The following RTBDN variants were observed in gnomAD, a reference collection of about 807,000 sequenced individuals.
RTBDN encodes the protein retbindin.
Under a neutral mutation model 21.9 loss-of-function variants are expected in RTBDN, and 24 were observed. The ratio of observed to expected loss-of-function variants is 1.10; its 90% CI spans 0.79 to 1.54. RTBDN has a LOEUF of 1.54. Among genes scored for constraint, RTBDN ranks in the 40% most tolerant of loss-of-function variants. The probability of loss-of-function intolerance (pLI) is 0.00; values close to 1 mark genes in which losing one functional copy is unlikely to be tolerated. For missense variants in RTBDN, 325 were observed against 315.2 expected, an observed-to-expected ratio of 1.03 and a Z score of -0.23; for synonymous variants, 141 against 125.9, an observed-to-expected ratio of 1.12 and a Z score of -0.80.
chr19:12,834,733 G>T, upstream of RTBDN: 2 of 1,589,566 alleles, frequency 1.3e-6, no homozygotes, highest in Non-Finnish European at 1.7e-6. This position sits in a 1 kb window ranked among gnomAD's most constrained non-coding sequence, Gnocchi z 4.7. Context: ...ACTGAGGATC[G>T]CTGTGGAGTG....
At position 12,828,700 on chromosome 19, in the gene RTBDN, C is replaced by T. The variant is rs774122446; in HGVS notation, c.322G>A (p.Val108Ile). ...RSRFRLRLLG[V>I]RQAQPLCEEL... ...TCGCAGAGCGGCTGTGCCTGGCGTA[C>T]CCCCAATAGCCGCAGGCGGAAGCGA... Residue 108 changes from valine (V) to isoleucine (I), a missense_variant, in exon 4 of 6, where the codon GTA (valine) becomes ATA (isoleucine). Val to Ile is a conservative substitution (Grantham distance 29). Coordinates refer to ENST00000674343, the MANE Select transcript of RTBDN (RefSeq NM_001270441.2). 1 of 1,614,208 alleles carries T rather than the reference C, an allele frequency of 6.2e-7. No individual in the cohort carries two copies. The highest frequency in any genetic ancestry group is 8.5e-7 in the Non-Finnish European group (1 of 1,180,034).
chr19:12,834,750 A>G (rs754264483), upstream of RTBDN: 3 of 1,607,564 alleles, frequency 1.9e-6, no homozygotes, highest in South Asian at 2.2e-5. The surrounding 1 kb of genome is among the most constrained non-coding windows in gnomAD (Gnocchi z 4.7). Context: ...AGTGTGGGGA[A>G]GGCGGGGACA....
Position 12,831,353 on chromosome 19 carries a change from A to T in RTBDN, c.-18-1356T>A, listed in dbSNP as rs531868989. ...CCTTTAACTCATCCATTCATTCAAC[A>T]AACATTTATTGAGCACCTACTGTGT... is the stretch of plus-strand genomic sequence containing the variant. On this transcript the variant is annotated intron_variant, in intron 1 of 5. Transcript: ENST00000674343. 1.8e-4 allele frequency among the ~76,000 whole-genome samples: 28 copies of T among 152,320 alleles called. No homozygotes were observed. The South Asian group carries it at 3.9e-3, about 21-fold the overall frequency.
chr19:12,830,024 C>T lies in RTBDN; in HGVS notation c.-18-27G>A, dbSNP rs758561959. 13 of 1,587,852 alleles carry T rather than the reference C, an allele frequency of 8.2e-6. No homozygotes were observed. The East Asian group carries it at 2.9e-4, about 36-fold the overall frequency. On this transcript the variant is annotated intron_variant, in intron 1 of 5. Coordinates refer to ENST00000674343, the MANE Select transcript of RTBDN (RefSeq NM_001270441.2). The surrounding 1 kb of genome is among the most constrained non-coding windows in gnomAD (Gnocchi z 4.2). Reference sequence around the variant, plus strand: ...TGGCAGGCATAGGGTGGGGTTCAGCCATCCCTTTCTGTGAGCTTAGGGTGG... The same window carrying T: ...TGGCAGGCATAGGGTGGGGTTCAGCTATCCCTTTCTGTGAGCTTAGGGTGG...
intron 4 of RTBDN, 69 bp downstream of exon 4, chr19:12,828,588 C>A: frequency 8.0e-7 from 1 of 1,248,156 alleles, no homozygotes; most frequent in Middle Eastern, 2.7e-4. Context: ...GAAGGCCAAG[C>A]AAACTGCAGG....
chr19:12,826,209 C>T, intron 5 of RTBDN: 1 of 1,323,984 alleles, frequency 7.6e-7, no homozygotes, highest in East Asian at 3.3e-5. Context: ...AGTGACTGGG[C>T]TTCTGGGTCC....
Position 12,825,632 on chromosome 19 carries a change from G to C in RTBDN, c.*74C>G, listed in dbSNP as rs1287251532. The C allele has an allele frequency of 6.7e-7, 1 of 1,500,230 alleles. No homozygotes were observed. Among genetic ancestry groups the C allele is most frequent in the Non-Finnish European group, 8.9e-7 (1 of 1,123,300 alleles). The allele number at this position is 1,500,230 out of a possible 1,614,324, so 92.9% of individuals were successfully genotyped here. Reference sequence around the variant, plus strand: ...TATTACAGAAGGCCGAGAGGACGAGGGGTGGGGTTCTGGGTGTCCTGAGGG... The same window carrying C: ...TATTACAGAAGGCCGAGAGGACGAGCGGTGGGGTTCTGGGTGTCCTGAGGG... On this transcript the variant is annotated 3_prime_UTR_variant, in exon 6 of 6. Coordinates refer to ENST00000674343, the MANE Select transcript of RTBDN (RefSeq NM_001270441.2).
chr19:12,827,962 G>A (rs1052693218), intron 4 of RTBDN, among the ~76,000 whole-genome samples: 11 of 151,724 alleles, frequency 7.3e-5, no homozygotes, highest in African/African-American at 2.4e-4. Context: ...GCGTGGTGGC[G>A]GAAGCATGTA....
chr19:12,834,095 G>A lies in RTBDN; in HGVS notation c.-19+394C>T, dbSNP rs1969673900. The A allele has an allele frequency of 2.5e-6, 1 of 399,146 alleles. No homozygotes were observed. The highest frequency in any genetic ancestry group is 1.2e-4 in the South Asian group (1 of 8,230). The allele number at this position is 399,146 out of a possible 1,614,324, so 24.7% of individuals were successfully genotyped here. On this transcript the variant is annotated intron_variant, in intron 1 of 5. Transcript: ENST00000674343. The surrounding 1 kb of genome is among the most constrained non-coding windows in gnomAD (Gnocchi z 4.7). ...AGGAGGCGGGAGAACTTGCACTAGG[G>A]TCAGCCGGGACGCCCCCACCCATAG...
At position 12,830,054 on chromosome 19, in the gene RTBDN, C is replaced by T; in HGVS notation, c.-18-57G>A. 6.5e-7 allele frequency: 1 copy of T among 1,546,964 alleles called. No individual in the cohort carries two copies. The highest frequency in any genetic ancestry group is 8.8e-7 in the Non-Finnish European group (1 of 1,133,728). On this transcript the variant is annotated intron_variant, in intron 1 of 5. Transcript: ENST00000674343. This position sits in a 1 kb window ranked among gnomAD's most constrained non-coding sequence, Gnocchi z 4.2. The stretch of plus-strand genomic sequence containing the variant: ...CTTTCTGTGAGCTTAGGGTGGCACC[C>T]ACCCAGTGCATACCCAAGAAGCAGT...
At chr19:12,832,610 T>C (rs536316108) in intron 1 of RTBDN, 1 of 152,104 alleles carries the variant, frequency 6.6e-6, no homozygotes, top group Admixed American at 6.5e-5. Flanking sequence ...GCGGTCGCCA[T>C]CGTGAGATAG....
chr19:12,830,444 G>A lies in RTBDN; in HGVS notation c.-18-447C>T, dbSNP rs1351716260. 7.1e-6 allele frequency: 7 copies of A among 988,272 alleles called. No individual in the cohort carries two copies. Among genetic ancestry groups the A allele is most frequent in the Non-Finnish European group, 4.8e-6 (4 of 831,908 alleles). The allele number at this position is 988,272 out of a possible 1,614,324, so 61.2% of individuals were successfully genotyped here. On this transcript the variant is annotated intron_variant, in intron 1 of 5. Transcript: ENST00000674343. This position sits in a 1 kb window ranked among gnomAD's most constrained non-coding sequence, Gnocchi z 4.2. ...GCCCTTCTCTGGGTCACCTTCTCTC[G>A]GCCCACAATCGGCTTAGGGGCCACC...
intron 1 of RTBDN, chr19:12,833,892 T>C (rs1345498852): frequency 1.2e-4 from 20 of 161,400 alleles, no homozygotes; most frequent in Non-Finnish European, 2.4e-4. Context: ...GGCTTCTCAC[T>C]CCCTCCCTCC....
rs1389894409 is a variant in RTBDN, at chr19:12,830,639, CG to C, written c.-18-643del. Reference sequence around the variant, plus strand: ...GTTGGCTGGATTGGGGTCTAGAGGCCGCTAAGACACCTCAGGATCCAGTCCA... The same window carrying C: ...GTTGGCTGGATTGGGGTCTAGAGGCCCTAAGACACCTCAGGATCCAGTCCA... On this transcript the variant is annotated intron_variant, in intron 1 of 5. Coordinates refer to ENST00000674343, the MANE Select transcript of RTBDN (RefSeq NM_001270441.2). This position sits in a 1 kb window ranked among gnomAD's most constrained non-coding sequence, Gnocchi z 4.2. The C allele has an allele frequency of 2.0e-6, 2 of 985,500 alleles. No homozygotes were observed. Among genetic ancestry groups the C allele is most frequent in the African/African-American group, 3.5e-5 (2 of 57,244 alleles). 61.0% of individuals were successfully genotyped at this position (985,500 alleles called of 1,614,324 possible).
chr19:12,826,983 G>A (rs372519057), intron 4 of RTBDN, 112 bp from the exon 5 acceptor site: 5 of 733,500 alleles, frequency 6.8e-6, no homozygotes, highest in South Asian at 4.6e-5. Context: ...TCCAGGCCCC[G>A]CCTTTTAGAA....
At position 12,825,601 on chromosome 19, in the gene RTBDN, C is replaced by G; in HGVS notation, c.*105G>C. 1 of 1,433,250 alleles carries G rather than the reference C, an allele frequency of 7.0e-7. No individual in the cohort carries two copies. The highest frequency in any genetic ancestry group is 9.2e-7 in the Non-Finnish European group (1 of 1,092,136). 88.8% of individuals were successfully genotyped at this position (1,433,250 alleles called of 1,614,324 possible). A position where few individuals can be genotyped will look rare whatever the true frequency, so the allele number is the denominator to read the frequency against. ...CTCCAGGGAGGAGGGACAGACATCT[C>G]AAAACTATTACAGAAGGCCGAGAGG... On this transcript the variant is annotated 3_prime_UTR_variant, in exon 6 of 6. Transcript: ENST00000674343.
rs1389635099 is a variant in RTBDN at position 12,834,338 on chromosome 19, G to T, written c.-19+151C>A. ...GCGCCTCGCCAGGCTAGGGGTGAGG[G>T]GGCGCAGAGCAAAGTTATTGCCCTA... On this transcript the variant is annotated intron_variant, in intron 1 of 5. Coordinates refer to ENST00000674343, the MANE Select transcript of RTBDN (RefSeq NM_001270441.2). The surrounding 1 kb of genome is among the most constrained non-coding windows in gnomAD (Gnocchi z 4.7). 6.6e-6 allele frequency among the ~76,000 whole-genome samples: 1 copy of T among 152,194 alleles called. No individual in the cohort carries two copies. The highest frequency in any genetic ancestry group is 2.4e-5 in the African/African-American group (1 of 41,454).
At chr19:12,826,184 T>C (rs1187633801) in intron 5 of RTBDN, 8 of 1,360,560 alleles carry the variant, frequency 5.9e-6, no homozygotes, top group Non-Finnish European at 7.6e-6. Flanking sequence ...GTATCAAGGC[T>C]GGGGTTTTGT....
chr19:12,828,923 G>A lies in RTBDN; in HGVS notation c.200C>T (p.Thr67Ile). The A allele has an allele frequency of 6.2e-7, 1 of 1,614,178 alleles. No homozygotes were observed. Among genetic ancestry groups the A allele is most frequent in the Non-Finnish European group, 8.5e-7 (1 of 1,180,016 alleles). Residue 67 changes from threonine to isoleucine, a missense_variant, in exon 3 of 6, where the codon ACA (threonine) becomes ATA (isoleucine). Transcript: ENST00000674343. ...ATGGTTTCCAGGGCCCGATGTCTCT[G>A]TTGTGTCCATCTCTGAGGGACAACA... Reference protein sequence around the residue: ...GPCCPSEMDTTETSGPGNHPE... With the variant: ...GPCCPSEMDTIETSGPGNHPE...
Sources: allele counts gnomAD v4.1 joint callset (sites outside exome capture counted in the v4.1 genomes callset), GRCh38; gene constraint gnomAD v4.1.1; non-coding constraint Gnocchi (gnomAD v3.1); transcripts MANE v1.5; gene names NCBI Gene and HGNC (gene_info 2026-07-23, HGNC 2026-07-21).